The following SOX5 variants were observed in gnomAD, a reference collection of about 807,000 sequenced individuals.
SOX5 encodes the protein SRY-box transcription factor 5, also known as transcription factor SOX-5.
A neutral mutation model predicts 92.0 loss-of-function variants in SOX5; 9 were observed. The observed-to-expected ratio is 0.10, with a 90% CI of 0.06 to 0.17. The LOEUF (loss-of-function observed/expected upper bound fraction) is 0.17, where lower values mean the gene tolerates loss of function less well. Ranked by LOEUF, SOX5 falls within the 10% of genes least tolerant of loss-of-function variation. The pLI is 1.00. For synonymous variants in SOX5, 344 were observed against 336.3 expected, an observed-to-expected ratio of 1.02 and a Z score of -0.25; for missense variants, 642 against 944.5, an observed-to-expected ratio of 0.68 and a Z score of 4.20.
chr12:23,708,275 G>A (rs2091663875), intron 6 of SOX5, among the ~76,000 whole-genome samples: 1 of 150,124 alleles, frequency 6.7e-6, no homozygotes, highest in African/African-American at 2.4e-5. Flanking sequence ...TTGACATGGA[G>A]AGAGGTAGTA....
chr12:23,993,953 A>G (rs926509484), intron 4 of SOX5, among the ~76,000 whole-genome samples: 51 of 151,852 alleles, frequency 3.4e-4, no homozygotes, highest in Non-Finnish European at 5.4e-4. Flanking sequence ...GTATGTATAC[A>G]TAAATAAATA....
intron 4 of SOX5, among the ~76,000 whole-genome samples, chr12:24,113,049 A>T (rs1463265404): frequency 1.3e-5 from 2 of 151,968 alleles, no homozygotes; most frequent in Non-Finnish European, 2.9e-5. Context: ...TCTCTTTACT[A>T]TTCTGAAAGT....
chr12:24,296,040 T>C (rs1330265396), intron 2 of SOX5, among the ~76,000 whole-genome samples: 1 of 152,208 alleles, frequency 6.6e-6, no homozygotes, highest in Non-Finnish European at 1.5e-5. Flanking sequence ...CCTTAAAATC[T>C]GAAGCACTCA....
At chr12:24,129,881 T>C (rs1949481554) in intron 4 of SOX5, among the ~76,000 whole-genome samples, 1 of 152,238 alleles carries the variant, frequency 6.6e-6, no homozygotes, top group African/African-American at 2.4e-5. Context: ...TTTGTCCATT[T>C]GTTTTATTTT....
intron 4 of SOX5, among the ~76,000 whole-genome samples, chr12:24,083,450 C>T (rs1216804723): frequency 6.6e-6 from 1 of 152,104 alleles, no homozygotes; most frequent in Non-Finnish European, 1.5e-5. Context: ...GTACAATACA[C>T]ATTGTAGATG....
intron 4 of SOX5, among the ~76,000 whole-genome samples, chr12:24,108,563 A>G (rs535769645): frequency 6.6e-6 from 1 of 152,256 alleles, no homozygotes; most frequent in South Asian, 2.1e-4. Flanking sequence ...ACAGAATAGG[A>G]AAAAGTTTAA....
intron 7 of SOX5, among the ~76,000 whole-genome samples, chr12:23,664,745 T>G (rs1388578386): frequency 6.6e-6 from 1 of 152,242 alleles, no homozygotes; most frequent in Non-Finnish European, 1.5e-5. Flanking sequence ...ATATTGCTTA[T>G]GTATTCATTC....
At chr12:23,700,273 G>A (rs1170072511) in intron 6 of SOX5, among the ~76,000 whole-genome samples, 1 of 151,888 alleles carries the variant, frequency 6.6e-6, no homozygotes, top group African/African-American at 2.4e-5. Flanking sequence ...CCATCTTTTG[G>A]ATTATCCAAA....
intron 9 of SOX5, among the ~76,000 whole-genome samples, chr12:23,579,480 T>C (rs934276081): frequency 1.6e-4 from 24 of 152,292 alleles, no homozygotes; most frequent in African/African-American, 5.8e-4. Flanking sequence ...AATAATTTAC[T>C]ACTGAGCTGC....
intron 4 of SOX5, among the ~76,000 whole-genome samples, chr12:24,196,077 G>A (rs903377813): frequency 6.6e-6 from 1 of 152,320 alleles, no homozygotes; most frequent in Admixed American, 6.5e-5. Context: ...TAGAGATGGG[G>A]TTTTGCCATG....
intron 1 of SOX5, among the ~76,000 whole-genome samples, chr12:24,492,734 C>A (rs1285819285): frequency 2.6e-5 from 4 of 152,108 alleles, no homozygotes; most frequent in Non-Finnish European, 5.9e-5. Flanking sequence ...GTTCTTGATA[C>A]TTCTGATGAA....
At chr12:23,755,586 A>G in intron 4 of SOX5, 52 bp downstream of exon 4, 1 of 1,286,528 alleles carries the variant, frequency 7.8e-7, no homozygotes, top group South Asian at 1.3e-5. Context: ...CTATTTCTGA[A>G]TATCAACTTC....
At chr12:24,510,384 T>G (rs1949195133) in intron 1 of SOX5, among the ~76,000 whole-genome samples, 1 of 152,248 alleles carries the variant, frequency 6.6e-6, no homozygotes. Context: ...GAGGTCTGTT[T>G]CCCTATAACA....
chr12:23,819,642 T>C (rs182930880), intron 3 of SOX5, among the ~76,000 whole-genome samples: 9 of 152,300 alleles, frequency 5.9e-5, no homozygotes, highest in African/African-American at 2.2e-4. Context: ...TGTGTTCTCA[T>C]TGTTCAACTC....
chr12:23,902,241 C>T (rs933364292), intron 1 of SOX5, among the ~76,000 whole-genome samples: 2 of 152,040 alleles, frequency 1.3e-5, no homozygotes, highest in African/African-American at 4.8e-5. Flanking sequence ...GCATTTGGAA[C>T]ATTATAAAAT....
At chr12:23,995,533 A>C (rs1044974273) in intron 4 of SOX5, among the ~76,000 whole-genome samples, 4 of 152,040 alleles carry the variant, frequency 2.6e-5, no homozygotes, top group South Asian at 2.1e-4. Context: ...CTGTGTCTAC[A>C]AAAAAACTTT....
intron 1 of SOX5, among the ~76,000 whole-genome samples, chr12:24,477,984 G>A (rs1257534749): frequency 6.6e-6 from 1 of 152,110 alleles, no homozygotes; most frequent in East Asian, 1.9e-4. Context: ...TGATTTTTAG[G>A]TTAACAGAAC....
intron 1 of SOX5, among the ~76,000 whole-genome samples, chr12:24,557,103 T>G (rs747747554): frequency 6.6e-6 from 1 of 152,002 alleles, no homozygotes; most frequent in African/African-American, 2.4e-5. Context: ...TTTAAGAGGT[T>G]AAGAAGGCCA....
chr12:23,985,755 C>A (rs1470789166), intron 4 of SOX5, among the ~76,000 whole-genome samples: 1 of 151,754 alleles, frequency 6.6e-6, no homozygotes, highest in Non-Finnish European at 1.5e-5. Context: ...TGGCTAATAA[C>A]CACAGAAACG....
Sources: allele counts gnomAD v4.1 joint callset (sites outside exome capture counted in the v4.1 genomes callset), GRCh38; gene constraint gnomAD v4.1.1; transcripts MANE v1.5; gene names NCBI Gene and HGNC (gene_info 2026-07-23, HGNC 2026-07-21).